Variants in CSMD1 observed in about 807,000 individuals in gnomAD.
The protein encoded by CSMD1 is CUB and Sushi multiple domains 1, also known as CUB and sushi domain-containing protein 1.
A neutral mutation model predicts 417.5 loss-of-function variants in CSMD1; 213 were observed. The observed-to-expected ratio is 0.51, with a 90% confidence interval of 0.46 to 0.57. The LOEUF is 0.57. Among genes scored for constraint, CSMD1 ranks in the 20% least tolerant of loss-of-function variants. The pLI is 0.00. For synonymous variants in CSMD1, 2,862 were observed against 1,736.8 expected (o/e 1.65, Z -16.11); for missense variants, 6,923 against 4,529.7 (o/e 1.53, Z -15.17).
intron 1 of CSMD1, among the ~76,000 whole-genome samples, chr8:4,673,858 G>A (rs1475434934): frequency 6.6e-6 from 1 of 152,150 alleles, no homozygotes; most frequent in African/African-American, 2.4e-5. Context: ...GACTGCCCGT[G>A]ATGGAAGTGA....
At position 4,032,106 on chromosome 8, in the gene CSMD1, G is replaced by A. The variant is rs759833801; in HGVS notation, c.416-7C>T. 6.3e-7 allele frequency: 1 copy of A among 1,584,284 alleles called. No individual in the cohort carries two copies. Among genetic ancestry groups the A allele is most frequent in the Admixed American group, 1.7e-5 (1 of 57,730 alleles). On this transcript the variant is annotated splice_polypyrimidine_tract_variant and splice_region_variant and intron_variant, in intron 3 of 69. Coordinates refer to ENST00000635120, the MANE Select transcript of CSMD1 (RefSeq NM_033225.6). ...CAAGTGTGGCTAGGTAAAACTATTG[G>A]AAAAAGAAAAGAAAGGAGAAAAAAC...
In CSMD1 at chr8:3,997,980, C is replaced by T. The variant is rs1451857994; in HGVS notation, c.741G>A (p.Ala247=). The T allele has an allele frequency of 5.6e-6, 9 of 1,610,966 alleles. No individual in the cohort carries two copies. The highest frequency in any genetic ancestry group is 4.5e-5 in the East Asian group (2 of 44,792). The part of the protein sequence containing the change: ...TILAEPGDTI[A]LVFTDFQLEE... ...CTAGCTGAAAGTCAGTGAAGACCAG[C>T]GCAATGGTGTCCCCGGGCTCAGCCA... is the stretch of plus-strand genomic sequence containing the variant. The change falls in exon 5 of 70, where the codon GCG becomes GCA. Residue 247 remains alanine (A), a synonymous_variant. Coordinates refer to ENST00000635120, the MANE Select transcript of CSMD1 (RefSeq NM_033225.6).
intron 3 of CSMD1, among the ~76,000 whole-genome samples, chr8:4,202,406 T>C (rs1799712738): frequency 6.6e-6 from 1 of 152,222 alleles, no homozygotes; most frequent in African/African-American, 2.4e-5. Flanking sequence ...TTAAGCTTTT[T>C]CACAAGAATG....
intron 3 of CSMD1, among the ~76,000 whole-genome samples, chr8:4,301,770 G>C (rs929401933): frequency 2.0e-5 from 3 of 152,112 alleles, no homozygotes; most frequent in East Asian, 1.9e-4. Context: ...CTTAAACCTA[G>C]TTATCTAATT....
chr8:4,732,193 C>T (rs550721553), intron 1 of CSMD1, among the ~76,000 whole-genome samples: 1 of 152,144 alleles, frequency 6.6e-6, no homozygotes, highest in Non-Finnish European at 1.5e-5. Flanking sequence ...AGACCGCAGA[C>T]AAGAACTCAG....
chr8:3,393,271 T>C (rs2116839671), intron 17 of CSMD1, among the ~76,000 whole-genome samples: 1 of 152,272 alleles, frequency 6.6e-6, no homozygotes, highest in South Asian at 2.1e-4. Flanking sequence ...AACGCAACAA[T>C]TTCCTGTCTT....
intron 5 of CSMD1, among the ~76,000 whole-genome samples, chr8:3,995,382 A>G (rs1024750734): frequency 3.4e-5 from 5 of 145,328 alleles, no homozygotes; most frequent in African/African-American, 1.2e-4. Flanking sequence ...CATACACACA[A>G]AACACTCTGT....
At chr8:4,586,569 A>ATT (rs148540850) in intron 2 of CSMD1, among the ~76,000 whole-genome samples, 3 of 151,930 alleles carry the variant, frequency 2.0e-5, no homozygotes, top group African/African-American at 7.3e-5. Context: ...CCTTTTTAGC[A>ATT]TTTTTTTTGA....
intron 3 of CSMD1, among the ~76,000 whole-genome samples, chr8:4,414,711 G>C (rs1796831807): frequency 6.6e-6 from 1 of 152,098 alleles, no homozygotes; most frequent in Admixed American, 6.6e-5. Flanking sequence ...GAGGAAATAT[G>C]AACTACTAGA....
intron 3 of CSMD1, among the ~76,000 whole-genome samples, chr8:4,110,240 C>G (rs1352896589): frequency 6.6e-6 from 1 of 152,080 alleles, no homozygotes; most frequent in African/African-American, 2.4e-5. Flanking sequence ...TAAAACAAGA[C>G]TGAAAGCTTG....
chr8:4,666,033 G>T (rs543437088), intron 1 of CSMD1, among the ~76,000 whole-genome samples: 27 of 151,918 alleles, frequency 1.8e-4, no homozygotes, highest in Admixed American at 2.6e-4. Flanking sequence ...CATTTTTTTT[G>T]TTTTTGCTTT....
chr8:3,521,722 A>G (rs1797516292), intron 10 of CSMD1, among the ~76,000 whole-genome samples: 1 of 152,250 alleles, frequency 6.6e-6, no homozygotes, highest in Admixed American at 6.5e-5. Context: ...TAATGAGAAC[A>G]GTATGCCTCA....
chr8:3,032,945 T>C (rs1382187036), intron 50 of CSMD1, among the ~76,000 whole-genome samples: 2 of 152,124 alleles, frequency 1.3e-5, no homozygotes, highest in African/African-American at 4.8e-5. Flanking sequence ...ATGCAAATTA[T>C]GGTAAAAGTG....
intron 3 of CSMD1, among the ~76,000 whole-genome samples, chr8:4,268,387 C>T (rs1184427726): frequency 2.0e-5 from 3 of 152,136 alleles, no homozygotes; most frequent in African/African-American, 4.8e-5. Flanking sequence ...AGTTAATTCT[C>T]TCAAGAGGAA....
At chr8:3,126,050 C>A (rs541081542) in intron 41 of CSMD1, among the ~76,000 whole-genome samples, 2 of 152,268 alleles carry the variant, frequency 1.3e-5, no homozygotes, top group African/African-American at 4.8e-5. Context: ...ATACATGAGC[C>A]TTGAAGTAGT....
At chr8:3,453,425 G>T (rs112581220) in intron 12 of CSMD1, among the ~76,000 whole-genome samples, 15,251 of 151,766 alleles carry the variant, frequency 0.1, 1,338 homozygotes, top group East Asian at 0.33. Context: ...TTTAGATCTT[G>T]CCTGCTTTCT....
chr8:3,002,275 C>G (rs531264857), intron 52 of CSMD1, among the ~76,000 whole-genome samples: 11 of 152,328 alleles, frequency 7.2e-5, no homozygotes, highest in Middle Eastern at 3.4e-3. Flanking sequence ...GACATTGTCT[C>G]TGAAGGTTCC....
rs533066489 is a variant in CSMD1, at chr8:4,799,250, G to C, written c.86-161692C>G. Among the ~76,000 whole-genome samples, 114 of 152,232 alleles carry C rather than the reference G, an allele frequency of 7.5e-4. 3 individuals carry two copies. In the South Asian group the frequency reaches 0.023, roughly 31 times the overall value. Reference sequence around the variant, plus strand: ...TGAAACGGTAAGGGATAACACCGATGTAGCTCACCAGTTCATAAAAGGAAT... The same window carrying C: ...TGAAACGGTAAGGGATAACACCGATCTAGCTCACCAGTTCATAAAAGGAAT... On this transcript the variant is annotated intron_variant, in intron 1 of 69. Transcript: ENST00000635120.
intron 26 of CSMD1, among the ~76,000 whole-genome samples, chr8:3,234,524 T>C (rs1222803819): frequency 6.6e-6 from 1 of 151,900 alleles, no homozygotes; most frequent in African/African-American, 2.4e-5. Context: ...TCGGAGTAGG[T>C]TTTTCAATGG....
Sources: gnomAD v4.1 joint callset for allele counts (sites outside exome capture counted in the v4.1 genomes callset) on GRCh38, gnomAD v4.1.1 for gene constraint, MANE v1.5 for transcripts, NCBI Gene and HGNC (gene_info 2026-07-23, HGNC 2026-07-21) for gene names.